The following LINGO2 variants were observed in gnomAD, a reference collection of about 807,000 sequenced individuals.
The protein encoded by LINGO2 is leucine-rich repeat and immunoglobulin-like domain-containing nogo receptor-interacting protein 2.
In LINGO2, 14 loss-of-function variants were observed where a neutral mutation model predicts 30.6. The observed-to-expected ratio is 0.46, with a 90% confidence interval of 0.30 to 0.72. LINGO2 has a LOEUF of 0.72. Among genes scored for constraint, LINGO2 ranks in the 30% least tolerant of loss-of-function variants. LINGO2 has a pLI of 0.07. For synonymous variants in LINGO2, 317 were observed against 288.5 expected, an observed-to-expected ratio of 1.10 and a Z score of -1.00; for missense variants, 729 against 751.7, an observed-to-expected ratio of 0.97 and a Z score of 0.35.
intron 4 of LINGO2, among the ~76,000 whole-genome samples, chr9:28,092,488 C>T (rs1055465304): frequency 4.2e-5 from 6 of 143,008 alleles, no homozygotes; most frequent in Non-Finnish European, 7.5e-5. Flanking sequence ...TAGGTGGGAA[C>T]TGAACAATGA....
At chr9:28,440,732 G>C (rs1317130997) in intron 2 of LINGO2, among the ~76,000 whole-genome samples, 1 of 152,074 alleles carries the variant, frequency 6.6e-6, no homozygotes, top group Non-Finnish European at 1.5e-5. Flanking sequence ...AAAATAAACA[G>C]AGATCACATT....
chr9:28,288,600 G>A (rs182395226), intron 4 of LINGO2, among the ~76,000 whole-genome samples: 366 of 152,150 alleles, frequency 2.4e-3, no homozygotes, highest in Non-Finnish European at 2.7e-3. Flanking sequence ...AGGACAGGGC[G>A]GGGAGGCTGC....
chr9:28,882,102 T>G, the LINGO2 span, among the ~76,000 whole-genome samples: 19 of 152,244 alleles, frequency 1.2e-4, no homozygotes, highest in African/African-American at 4.6e-4. Flanking sequence ...AATCTGTACT[T>G]TCTTTATGTT....
the LINGO2 span, among the ~76,000 whole-genome samples, chr9:28,981,725 T>C: frequency 6.6e-6 from 1 of 152,136 alleles, no homozygotes. Flanking sequence ...AGTGCTCCAA[T>C]GAATGGTACT....
At chr9:28,530,227 G>GTGA (rs1384857482) in intron 1 of LINGO2, among the ~76,000 whole-genome samples, 1 of 151,836 alleles carries the variant, frequency 6.6e-6, no homozygotes, top group African/African-American at 2.4e-5. Flanking sequence ...CACGATGATG[G>GTGA]TGATGATGAT....
At chr9:29,065,631 C>G in the LINGO2 span, among the ~76,000 whole-genome samples, 2 of 151,894 alleles carry the variant, frequency 1.3e-5, no homozygotes, top group African/African-American at 4.8e-5. Flanking sequence ...CTAGTTAATA[C>G]AGTGCCTGTA....
At chr9:28,988,567 T>C in the LINGO2 span, among the ~76,000 whole-genome samples, 1 of 152,188 alleles carries the variant, frequency 6.6e-6, no homozygotes, top group East Asian at 1.9e-4. Flanking sequence ...AATACTGACA[T>C]TTTGTTCACT....
At chr9:28,145,436 A>G (rs897451541) in intron 4 of LINGO2, among the ~76,000 whole-genome samples, 18 of 152,234 alleles carry the variant, frequency 1.2e-4, no homozygotes, top group African/African-American at 4.1e-4. Context: ...GTATTTTCTA[A>G]GAACATCAAA....
At chr9:28,824,027 G>A in the LINGO2 span, among the ~76,000 whole-genome samples, 584 of 152,214 alleles carry the variant, frequency 3.8e-3, 4 homozygotes, top group African/African-American at 0.013. Context: ...GGTATCACAT[G>A]GAACAGAGTA....
chr9:28,134,301 G>C (rs1827454744), intron 4 of LINGO2, among the ~76,000 whole-genome samples: 2 of 152,078 alleles, frequency 1.3e-5, no homozygotes, highest in African/African-American at 4.8e-5. Context: ...TAAGAACATG[G>C]TTGTAGTTCT....
At chr9:28,744,435 C>A in the LINGO2 span, among the ~76,000 whole-genome samples, 1 of 151,948 alleles carries the variant, frequency 6.6e-6, no homozygotes, top group Non-Finnish European at 1.5e-5. Flanking sequence ...TTGTTCAAAA[C>A]AAACTTGCAT....
chr9:28,717,236 C>T, the LINGO2 span, among the ~76,000 whole-genome samples: 1 of 151,320 alleles, frequency 6.6e-6, no homozygotes, highest in Non-Finnish European at 1.5e-5. Context: ...GAGGAGTGTG[C>T]CCATCAGCTG....
At chr9:28,346,130 GT>G (rs1819557341) in intron 3 of LINGO2, among the ~76,000 whole-genome samples, 1 of 152,112 alleles carries the variant, frequency 6.6e-6, no homozygotes. Context: ...TGTCACAGGG[GT>G]TTGTGGTAGA....
the LINGO2 span, among the ~76,000 whole-genome samples, chr9:29,063,644 C>T: frequency 6.6e-6 from 1 of 152,008 alleles, no homozygotes; most frequent in Admixed American, 6.6e-5. Context: ...AGGTAATCTG[C>T]CTGCCTCCAC....
the LINGO2 span, among the ~76,000 whole-genome samples, chr9:28,755,093 T>C: frequency 6.6e-6 from 1 of 152,066 alleles, no homozygotes; most frequent in East Asian, 1.9e-4. Flanking sequence ...ACCCATAGAC[T>C]CTCAATAAGA....
At chr9:28,678,951 T>G in the LINGO2 span, among the ~76,000 whole-genome samples, 1 of 152,080 alleles carries the variant, frequency 6.6e-6, no homozygotes, top group Admixed American at 6.6e-5. Context: ...TAAAATAAAA[T>G]ATTACAGATC....
the LINGO2 span, among the ~76,000 whole-genome samples, chr9:28,906,825 A>G: frequency 2.4e-4 from 37 of 152,064 alleles, no homozygotes; most frequent in South Asian, 7.7e-3. Context: ...TATATACACA[A>G]AAGGCAAAAC....
intron 1 of LINGO2, among the ~76,000 whole-genome samples, chr9:28,607,697 C>A (rs1438251813): frequency 6.6e-6 from 1 of 151,902 alleles, no homozygotes; most frequent in Non-Finnish European, 1.5e-5. Flanking sequence ...AAAAAGAGAC[C>A]AAAAATTCCC....
intron 4 of LINGO2, among the ~76,000 whole-genome samples, chr9:28,228,773 A>G (rs564421910): frequency 2.0e-5 from 3 of 151,786 alleles, no homozygotes; most frequent in Admixed American, 2.0e-4. Context: ...AAAACAAAAT[A>G]ATACTTTAAT....
Sources: gnomAD v4.1 joint callset for allele counts (sites outside exome capture counted in the v4.1 genomes callset) on GRCh38, gnomAD v4.1.1 for gene constraint, MANE v1.5 for transcripts, NCBI Gene and HGNC (gene_info 2026-07-23, HGNC 2026-07-21) for gene names.